The following MCUB variants were observed in gnomAD, a reference collection of about 807,000 sequenced individuals.
MCUB encodes mitochondrial calcium uniporter dominant negative subunit beta.
MCUB carries 46 observed loss-of-function variants against 41.4 expected under a neutral mutation model. The observed-to-expected ratio is 1.11, with a 90% confidence interval of 0.88 to 1.42. The LOEUF (loss-of-function observed/expected upper bound fraction) is 1.42, where lower values mean the gene tolerates loss of function less well. Ranked by LOEUF, MCUB falls within the 40% of genes most tolerant of loss-of-function variation. The pLI is 0.00. For missense variants in MCUB, 403 were observed against 404.9 expected (o/e 1.00, Z 0.04); for synonymous variants, 148 against 148.2 (o/e 1.00, Z 0.01).
chr4:109,648,180 G>A (rs1465076282), intron 1 of MCUB, among the ~76,000 whole-genome samples: 1 of 152,034 alleles, frequency 6.6e-6, no homozygotes, highest in Non-Finnish European at 1.5e-5. Context: ...GTAGTCCTTC[G>A]TTATCTGCTT....
intron 1 of MCUB, among the ~76,000 whole-genome samples, chr4:109,564,862 T>G (rs1726735334): frequency 6.6e-6 from 1 of 152,082 alleles, no homozygotes; most frequent in Admixed American, 6.6e-5. Context: ...CATAAGTGAG[T>G]GAGGAGAGTA....
At position 109,588,322 on chromosome 4, in the gene MCUB, G is replaced by C. The variant is rs565110251; in HGVS notation, c.99+27886G>C. On this transcript the variant is annotated intron_variant, in intron 1 of 7. Coordinates refer to ENST00000394650, the MANE Select transcript of MCUB (RefSeq NM_017918.5). ...CCAATGGATGTGTTTCTCATTTTGCGGTGGTGATGCAAATTGTCAGGTAAC... is the reference window on the plus strand; with the variant it reads ...CCAATGGATGTGTTTCTCATTTTGCCGTGGTGATGCAAATTGTCAGGTAAC... Among the ~76,000 whole-genome samples, 14 of 152,276 alleles carry C rather than the reference G, an allele frequency of 9.2e-5. 1 individual carries two copies. In the South Asian group the frequency reaches 2.9e-3, roughly 32 times the overall value.
Position 109,605,260 on chromosome 4 carries a change from G to A in MCUB, c.99+44824G>A, listed in dbSNP as rs140984202. Among the ~76,000 whole-genome samples the A allele has an allele frequency of 7.2e-4, 109 of 152,236 alleles. 3 individuals are homozygous for A. The East Asian group carries it at 0.02, about 28-fold the overall frequency. On this transcript the variant is annotated intron_variant, in intron 1 of 7. Transcript: ENST00000394650. The stretch of plus-strand genomic sequence containing the variant: ...ATGGTTCAATCTTGGTAGGTTGTAT[G>A]TGTCCTTACTAATTTCTTCACTGAC...
intron 1 of MCUB, among the ~76,000 whole-genome samples, chr4:109,625,929 C>A (rs1728350777): frequency 6.6e-6 from 1 of 152,116 alleles, no homozygotes; most frequent in Non-Finnish European, 1.5e-5. Context: ...TGTTGTAAGT[C>A]TTTTCCTTAA....
At chr4:109,611,438 C>G (rs572035416) in intron 1 of MCUB, among the ~76,000 whole-genome samples, 3 of 152,212 alleles carry the variant, frequency 2.0e-5, no homozygotes, top group Non-Finnish European at 2.9e-5. Flanking sequence ...AGCAAATTCT[C>G]TAGCTTTATG....
In MCUB at chr4:109,594,282, G is replaced by A. The variant is rs1727502763; in HGVS notation, c.99+33846G>A. Among the ~76,000 whole-genome samples, 6 of 152,174 alleles carry A rather than the reference G, an allele frequency of 3.9e-5. No individual in the cohort carries two copies. In the South Asian group the frequency reaches 8.3e-4, roughly 21 times the overall value. The stretch of plus-strand genomic sequence containing the variant: ...GATTCTGTGAAGGCTGTCAAAAAGT[G>A]TAGTTTTGTTGTGAGGGTTACAGTG... On this transcript the variant is annotated intron_variant, in intron 1 of 7. Coordinates refer to ENST00000394650, the MANE Select transcript of MCUB (RefSeq NM_017918.5).
intron 4 of MCUB, among the ~76,000 whole-genome samples, chr4:109,669,600 ATTCTTCTG>A (rs1476616644): frequency 1.3e-5 from 2 of 151,438 alleles, no homozygotes; most frequent in African/African-American, 4.8e-5. Flanking sequence ...TAATCAAATA[ATTCTTCTG>A]TTCTTTCCTT....
intron 1 of MCUB, among the ~76,000 whole-genome samples, chr4:109,576,202 G>GGA (rs1189638498): frequency 6.6e-6 from 1 of 152,194 alleles, no homozygotes; most frequent in African/African-American, 2.4e-5. Context: ...TAACACTCCA[G>GGA]TTCCTGATCC....
chr4:109,616,954 A>G (rs1266527399), intron 1 of MCUB, among the ~76,000 whole-genome samples: 1 of 152,158 alleles, frequency 6.6e-6, no homozygotes, highest in Non-Finnish European at 1.5e-5. Flanking sequence ...TTATAACTGA[A>G]TATATGCATA....
At chr4:109,683,396 G>A (rs1473392217) in intron 5 of MCUB, among the ~76,000 whole-genome samples, 16 of 152,190 alleles carry the variant, frequency 1.1e-4, no homozygotes, top group Non-Finnish European at 5.9e-5. Flanking sequence ...TTTGGAGGAT[G>A]GCAGAGAGAG....
At chr4:109,650,942 T>C (rs1211965339) in intron 1 of MCUB, among the ~76,000 whole-genome samples, 1 of 152,214 alleles carries the variant, frequency 6.6e-6, no homozygotes, top group Non-Finnish European at 1.5e-5. Flanking sequence ...ATAGCATCTT[T>C]GTCGGGAATA....
intron 1 of MCUB, among the ~76,000 whole-genome samples, chr4:109,627,994 A>G (rs964051313): frequency 1.3e-5 from 2 of 151,830 alleles, no homozygotes; most frequent in East Asian, 1.9e-4. Context: ...AACATATAAC[A>G]TATAAGTCAT....
intron 1 of MCUB, among the ~76,000 whole-genome samples, chr4:109,647,831 A>C (rs1344386267): frequency 6.6e-6 from 1 of 152,150 alleles, no homozygotes; most frequent in Non-Finnish European, 1.5e-5. Context: ...GGGATGTAGA[A>C]CTGCACCTGG....
At chr4:109,597,927 C>T (rs1257890484) in intron 1 of MCUB, among the ~76,000 whole-genome samples, 33 of 149,896 alleles carry the variant, frequency 2.2e-4, no homozygotes, top group African/African-American at 6.1e-4. Context: ...GGGTCGCGGC[C>T]GGGCAGAGGC....
intron 4 of MCUB, among the ~76,000 whole-genome samples, chr4:109,677,802 A>ATTTTTTTTTTTTTTTTTTTTTT (rs71595506): frequency 2.3e-5 from 2 of 86,608 alleles, no homozygotes; most frequent in Non-Finnish European, 4.3e-5. Flanking sequence ...AAGGAAACAA[A>ATTTTTTTTTTTTTTTTTTTTTT]TTTTTTTTTT....
intron 1 of MCUB, chr4:109,648,452 G>A: frequency 3.2e-6 from 1 of 311,152 alleles, no homozygotes; most frequent in South Asian, 2.7e-5. Context: ...TTAGCCAAAT[G>A]CCAAACGTAT....
chr4:109,616,224 C>G (rs994344904), intron 1 of MCUB, among the ~76,000 whole-genome samples: 3 of 152,144 alleles, frequency 2.0e-5, no homozygotes, highest in African/African-American at 7.2e-5. Flanking sequence ...TTTCCTTTCC[C>G]AGGAACCAGC....
At chr4:109,641,103 A>G (rs1304513976) in intron 1 of MCUB, among the ~76,000 whole-genome samples, 1 of 151,376 alleles carries the variant, frequency 6.6e-6, no homozygotes, top group Non-Finnish European at 1.5e-5. Context: ...GTCAGAACAC[A>G]TACAGTGTTT....
At chr4:109,608,005 C>CA (rs1727920107) in intron 1 of MCUB, among the ~76,000 whole-genome samples, 1 of 152,146 alleles carries the variant, frequency 6.6e-6, no homozygotes, top group African/African-American at 2.4e-5. Context: ...ACTTCCTCTT[C>CA]AAGGCCAATA....
Sources: allele counts gnomAD v4.1 joint callset (sites outside exome capture counted in the v4.1 genomes callset), GRCh38; gene constraint gnomAD v4.1.1; transcripts MANE v1.5; gene names NCBI Gene and HGNC (gene_info 2026-07-23, HGNC 2026-07-21).